The following CERS6 variants were observed in gnomAD, a reference collection of about 807,000 sequenced individuals.
The protein encoded by CERS6 is LAG1 homolog, ceramide synthase 6.
A neutral mutation model predicts 56.8 loss-of-function variants in CERS6; 26 were observed. The observed-to-expected ratio is 0.46, with a 90% CI of 0.34 to 0.63. The LOEUF (loss-of-function observed/expected upper bound fraction) is 0.63. Ranked by LOEUF, CERS6 falls within the 30% of genes least tolerant of loss-of-function variation. The pLI, the probability that CERS6 is intolerant of heterozygous loss-of-function variation, is 0.01. For synonymous variants in CERS6, 164 were observed against 173.3 expected (o/e 0.95, Z 0.42); for missense variants, 415 against 467.5 (o/e 0.89, Z 1.04).
At chr2:168,471,358 A>G (rs1574004447) in intron 1 of CERS6, among the ~76,000 whole-genome samples, 1 of 152,132 alleles carries the variant, frequency 6.6e-6, no homozygotes, top group East Asian at 1.9e-4. Context: ...ATATAATAAG[A>G]GCTTTCACCT....
At chr2:168,704,232 C>T (rs1342041259) in intron 6 of CERS6, among the ~76,000 whole-genome samples, 3 of 152,118 alleles carry the variant, frequency 2.0e-5, no homozygotes, top group Non-Finnish European at 4.4e-5. Flanking sequence ...AGAAGAGTGA[C>T]GACCAGGAGC....
At chr2:168,594,821 T>C (rs969037471) in intron 3 of CERS6, among the ~76,000 whole-genome samples, 2 of 152,200 alleles carry the variant, frequency 1.3e-5, no homozygotes, top group Admixed American at 6.5e-5. Flanking sequence ...ATTTTAGCCA[T>C]TAGCCACTCT....
intron 3 of CERS6, 74 bp from the exon 4 acceptor site, chr2:168,630,907 TTCCC>T (rs1480908733): frequency 6.4e-6 from 4 of 625,964 alleles, no homozygotes; most frequent in Non-Finnish European, 1.1e-5. Context: ...ATGAACTCTT[TTCCC>T]TCCCTTACAT....
In CERS6 at chr2:168,561,263, G is replaced by A. The variant is rs1431915360; in HGVS notation, c.348G>A (p.Trp116Ter). 6.2e-7 allele frequency: 1 copy of A among 1,614,034 alleles called. No individual in the cohort carries two copies. Among genetic ancestry groups the A allele is most frequent in the Non-Finnish European group, 8.5e-7 (1 of 1,179,986 alleles). The change falls in exon 3 of 10, where the codon TGG becomes TGA. Residue 116 changes from tryptophan (W) to a stop codon, truncating the protein, a stop_gained. Coordinates refer to ENST00000305747, the MANE Select transcript of CERS6 (RefSeq NM_203463.3). LOFTEE classifies it high-confidence loss of function. Reference protein sequence around the residue: ...LDWDVRSIQRWFRQRRNQEKP... With the variant: ...LDWDVRSIQR ...GGGATGTTCGAAGCATTCAGCGCTG[G>A]TTTCGACAAAGACGCAATCAGGAGA...
intron 4 of CERS6, among the ~76,000 whole-genome samples, chr2:168,657,689 G>A (rs1204475809): frequency 6.6e-6 from 1 of 152,234 alleles, no homozygotes; most frequent in Non-Finnish European, 1.5e-5. Context: ...CGGGTGCTAA[G>A]TCCCCCATTG....
intron 3 of CERS6, among the ~76,000 whole-genome samples, chr2:168,604,764 A>G (rs2105266538): frequency 6.6e-6 from 1 of 152,200 alleles, no homozygotes; most frequent in Middle Eastern, 3.4e-3. Context: ...CTGCCATGAT[A>G]GTAAGTTTTT....
At chr2:168,676,112 G>T (rs1436633410) in intron 4 of CERS6, among the ~76,000 whole-genome samples, 1 of 152,186 alleles carries the variant, frequency 6.6e-6, no homozygotes, top group African/African-American at 2.4e-5. Context: ...TGTTGTTTTG[G>T]TTGAAGTATG....
intron 3 of CERS6, among the ~76,000 whole-genome samples, chr2:168,604,339 A>T (rs1312064069): frequency 6.6e-6 from 1 of 152,084 alleles, no homozygotes; most frequent in Non-Finnish European, 1.5e-5. Context: ...AAATATTTGT[A>T]GGGTAGGGTA....
At chr2:168,722,121 TA>T (rs1292224383) in intron 8 of CERS6, among the ~76,000 whole-genome samples, 3 of 152,206 alleles carry the variant, frequency 2.0e-5, no homozygotes, top group Non-Finnish European at 4.4e-5. Context: ...TTTGTCTTTT[TA>T]TTGTTGTAAA....
intron 8 of CERS6, among the ~76,000 whole-genome samples, chr2:168,751,152 A>T (rs751122023): frequency 2.6e-5 from 4 of 152,230 alleles, no homozygotes; most frequent in Non-Finnish European, 5.9e-5. Context: ...AGGTTATAGC[A>T]GGAAGTGTCA....
intron 1 of CERS6, among the ~76,000 whole-genome samples, chr2:168,537,329 C>G (rs573793796): frequency 2.6e-5 from 4 of 152,270 alleles, no homozygotes; most frequent in East Asian, 1.9e-4. Flanking sequence ...GGCCTTTCTT[C>G]TTTGTCTGAC....
chr2:168,459,851 G>C (rs1693747303), intron 1 of CERS6, among the ~76,000 whole-genome samples: 1 of 152,136 alleles, frequency 6.6e-6, no homozygotes, highest in Non-Finnish European at 1.5e-5. Flanking sequence ...TTTCAAAAAT[G>C]TGTTTTGCTG....
At chr2:168,745,388 C>G (rs938458555) in intron 8 of CERS6, among the ~76,000 whole-genome samples, 13 of 151,996 alleles carry the variant, frequency 8.6e-5, no homozygotes, top group Non-Finnish European at 1.5e-4. Flanking sequence ...ACTACAGGCG[C>G]CCACCACCAC....
At chr2:168,532,942 T>G (rs1318227923) in intron 1 of CERS6, among the ~76,000 whole-genome samples, 1 of 152,194 alleles carries the variant, frequency 6.6e-6, no homozygotes, top group East Asian at 1.9e-4. Flanking sequence ...TACTAAATAT[T>G]CATTGAAAGC....
At chr2:168,695,453 G>T (rs1028581900) in intron 6 of CERS6, among the ~76,000 whole-genome samples, 1 of 152,116 alleles carries the variant, frequency 6.6e-6, no homozygotes, top group Non-Finnish European at 1.5e-5. Flanking sequence ...GGGTTGTCCA[G>T]TGTCAAAATA....
chr2:168,704,307 C>T (rs963334841), intron 6 of CERS6, among the ~76,000 whole-genome samples: 4 of 151,990 alleles, frequency 2.6e-5, no homozygotes, highest in South Asian at 2.1e-4. Context: ...CTGCTGGTCT[C>T]GGGCTCTGGG....
intron 3 of CERS6, among the ~76,000 whole-genome samples, chr2:168,600,716 TGACTG>T (rs1053640103): frequency 6.6e-6 from 1 of 152,240 alleles, no homozygotes; most frequent in African/African-American, 2.4e-5. Flanking sequence ...TCTCATTTCT[TGACTG>T]GAGATTCTAG....
At chr2:168,545,003 A>G (rs1695438145) in intron 1 of CERS6, among the ~76,000 whole-genome samples, 1 of 152,038 alleles carries the variant, frequency 6.6e-6, no homozygotes, top group Admixed American at 6.6e-5. Context: ...TGGTTTGTAA[A>G]TGCTATGATA....
At chr2:168,528,898 A>G (rs1300555691) in intron 1 of CERS6, among the ~76,000 whole-genome samples, 1 of 152,256 alleles carries the variant, frequency 6.6e-6, no homozygotes, top group East Asian at 1.9e-4. Flanking sequence ...TGTAAAAAGT[A>G]TAAGGCCTTG....
Sources: allele counts gnomAD v4.1 joint callset (sites outside exome capture counted in the v4.1 genomes callset), GRCh38; gene constraint gnomAD v4.1.1; transcripts MANE v1.5; gene names NCBI Gene and HGNC (gene_info 2026-07-23, HGNC 2026-07-21).